The following ABCA13 variants were observed in gnomAD, a reference collection of about 807,000 sequenced individuals.
ABCA13 encodes the protein ATP-binding cassette sub-family A member 13.
In ABCA13, 476 loss-of-function variants were observed where a neutral mutation model predicts 478.7. The observed-to-expected ratio is 0.99, with a 90% CI of 0.92 to 1.07. The LOEUF is 1.07. Ranked by LOEUF, ABCA13 falls within the 50% of genes least tolerant of loss-of-function variation. ABCA13 has a pLI of 0.00. For missense variants in ABCA13, 6,060 were observed against 5,910.6 expected (o/e 1.03, Z -0.83); for synonymous variants, 2,252 against 2,158.9 (o/e 1.04, Z -1.20).
chr7:48,376,681 G>A, intron 35 of ABCA13, 109 bp downstream of exon 35: 1 of 1,278,966 alleles, frequency 7.8e-7, no homozygotes, highest in Non-Finnish European at 1.1e-6. Context: ...GATCCAGAAA[G>A]GGAAGTCTTA....
At chr7:48,464,782 T>G (rs1334384126) in intron 43 of ABCA13, among the ~76,000 whole-genome samples, 1 of 152,180 alleles carries the variant, frequency 6.6e-6, no homozygotes, top group Non-Finnish European at 1.5e-5. Flanking sequence ...ACACCTATCC[T>G]AAGCATTGTG....
At chr7:48,171,941 C>A (rs1794125897) in intron 1 of ABCA13, among the ~76,000 whole-genome samples, 1 of 152,214 alleles carries the variant, frequency 6.6e-6, no homozygotes, top group Non-Finnish European at 1.5e-5. Context: ...GCTACAGGTA[C>A]TGACTCCGAA....
At chr7:48,240,672 T>C (rs1173544781) in intron 9 of ABCA13, among the ~76,000 whole-genome samples, 195 bp from the exon 10 acceptor site, 4 of 152,230 alleles carry the variant, frequency 2.6e-5, no homozygotes, top group Admixed American at 2.6e-4. Flanking sequence ...TGTGCATCCA[T>C]TGTTGCAACA....
In ABCA13 at chr7:48,295,727, A is replaced by G; in HGVS notation, c.8983A>G (p.Asn2995Asp). 1 of 1,614,072 alleles carries G rather than the reference A, an allele frequency of 6.2e-7. No homozygotes were observed. The highest frequency in any genetic ancestry group is 8.5e-7 in the Non-Finnish European group (1 of 1,179,900). ...QEIEKIWSSP[N>D]QLNCESLSKN... ...AATTGAAAAGATATGGTCCTCGCCG[A>G]ATCAGCTAAATTGTGAAAGTCTTAG... is the stretch of plus-strand genomic sequence containing the variant. Residue 2995 changes from asparagine to aspartate, a missense_variant, in exon 21 of 62, where the codon AAT (asparagine) becomes GAT (aspartate). Physicochemically the swap from Asn to Asp is conservative, Grantham distance 23 (BLOSUM62 1). Transcript: ENST00000435803.
chr7:48,419,691 T>G (rs1417713793), intron 41 of ABCA13, among the ~76,000 whole-genome samples: 1 of 152,224 alleles, frequency 6.6e-6, no homozygotes, highest in Non-Finnish European at 1.5e-5. Flanking sequence ...TTTCTTCAAT[T>G]TCTTACAGTA....
chr7:48,522,288 A>G (rs996882645), intron 53 of ABCA13, among the ~76,000 whole-genome samples: 4 of 152,118 alleles, frequency 2.6e-5, no homozygotes, highest in Non-Finnish European at 5.9e-5. Context: ...CTGAGATCCC[A>G]CTTCCTTGCT....
intron 15 of ABCA13, among the ~76,000 whole-genome samples, chr7:48,257,338 G>A (rs1793544982): frequency 6.6e-6 from 1 of 151,980 alleles, no homozygotes; most frequent in Admixed American, 6.6e-5. Context: ...CAGTATTATG[G>A]TGAATAGGAG....
chr7:48,216,619 T>C (rs928464013), intron 3 of ABCA13, among the ~76,000 whole-genome samples: 1 of 152,200 alleles, frequency 6.6e-6, no homozygotes, highest in Non-Finnish European at 1.5e-5. Flanking sequence ...CTTTTTCTTT[T>C]GTTGTTTGTG....
At chr7:48,641,481 C>G (rs1454472850) in intron 59 of ABCA13, among the ~76,000 whole-genome samples, 2 of 152,156 alleles carry the variant, frequency 1.3e-5, no homozygotes, top group African/African-American at 4.8e-5. Context: ...TTCAGTCAGT[C>G]CTCTCACAAC....
intron 49 of ABCA13, among the ~76,000 whole-genome samples, chr7:48,506,721 T>C (rs1305867199): frequency 1.3e-5 from 2 of 152,186 alleles, no homozygotes; most frequent in Non-Finnish European, 2.9e-5. Flanking sequence ...TCATAAACAT[T>C]GCATTCATGT....
At position 48,229,855 on chromosome 7, in the gene ABCA13, G is replaced by T. The variant is rs774832105; in HGVS notation, c.663G>T (p.Trp221Cys). 1.2e-6 allele frequency: 2 copies of T among 1,613,924 alleles called. No homozygotes were observed. Among genetic ancestry groups the T allele is most frequent in the Non-Finnish European group, 1.7e-6 (2 of 1,179,856 alleles). Reference sequence around the variant, plus strand: ...TAATATCCCTAGAAGATTTAGATTGGCTTCCACTCAACCAAACTTTTTCCC... The same window carrying T: ...TAATATCCCTAGAAGATTTAGATTGTCTTCCACTCAACCAAACTTTTTCCC... The part of the protein sequence containing the change: ...NSLISLEDLD[W>C]LPLNQTFSQV... Residue 221 changes from tryptophan to cysteine, a missense_variant, in exon 7 of 62, where the codon TGG becomes TGT. Physicochemically the swap from Trp to Cys is radical, Grantham distance 215. Around this residue, in one of 3 missense-constraint regions of ABCA13, gnomAD observed 4,423 missense variants for 4,309.1 expected, o/e 1.03. Transcript: ENST00000435803.
intron 59 of ABCA13, among the ~76,000 whole-genome samples, chr7:48,636,462 T>C (rs1794643508): frequency 6.6e-6 from 1 of 152,146 alleles, no homozygotes; most frequent in Non-Finnish European, 1.5e-5. Flanking sequence ...CCATGGGAGA[T>C]TTAGGAAAAT....
At chr7:48,527,594 C>T (rs111568379) in intron 54 of ABCA13, among the ~76,000 whole-genome samples, 2,888 of 152,108 alleles carry the variant, frequency 0.019, 92 homozygotes, top group African/African-American at 0.066. Flanking sequence ...GGCTGTAAGG[C>T]GAGATTTGAT....
chr7:48,620,787 G>A lies in ABCA13; in HGVS notation c.14837+5410G>A, dbSNP rs150915104. Among the ~76,000 whole-genome samples the A allele has an allele frequency of 1.3e-3, 192 of 152,284 alleles. 1 individual carries two copies. The highest frequency in any genetic ancestry group is 2.4e-3 in the Non-Finnish European group (165 of 68,016). The stretch of plus-strand genomic sequence containing the variant: ...AGGAGGCAGGTGTATGAAGTAGGAG[G>A]ATGTCAGCAAATGGGCACAAGGATG... On this transcript the variant is annotated intron_variant, in intron 59 of 61. Transcript: ENST00000435803.
intron 2 of ABCA13, among the ~76,000 whole-genome samples, chr7:48,195,238 C>A (rs545801723): frequency 2.2e-4 from 33 of 152,282 alleles, no homozygotes; most frequent in African/African-American, 7.7e-4. Context: ...GGATGGTGAA[C>A]TCTCAAAGAA....
chr7:48,528,031 A>C (rs965865298), intron 54 of ABCA13, among the ~76,000 whole-genome samples: 7 of 152,152 alleles, frequency 4.6e-5, no homozygotes, highest in African/African-American at 1.4e-4. Context: ...TGCCATGATG[A>C]TTTTGAGAGG....
At chr7:48,269,204 T>C in intron 16 of ABCA13, 110 bp downstream of exon 16, 2 of 624,362 alleles carry the variant, frequency 3.2e-6, no homozygotes. Flanking sequence ...CTGATTTAGA[T>C]ATTGACACAA....
At chr7:48,483,236 G>C in intron 47 of ABCA13, 73 bp downstream of exon 47, 1 of 1,373,100 alleles carries the variant, frequency 7.3e-7, no homozygotes, top group Non-Finnish European at 1.0e-6. Flanking sequence ...ATATAATTTT[G>C]AGCACAGGGT....
intron 27 of ABCA13, among the ~76,000 whole-genome samples, chr7:48,326,901 G>C (rs1387402598): frequency 6.6e-6 from 1 of 152,198 alleles, no homozygotes; most frequent in Non-Finnish European, 1.5e-5. Flanking sequence ...GATGGGCAGA[G>C]ATCAGCTCTC....
Sources: gnomAD v4.1 joint callset for allele counts (sites outside exome capture counted in the v4.1 genomes callset) on GRCh38, gnomAD v4.1.1 for gene constraint, gnomAD v4.1.1 regional missense constraint, MANE v1.5 for transcripts, NCBI Gene and HGNC (gene_info 2026-07-23, HGNC 2026-07-21) for gene names.